The following MATN2 variants were observed in gnomAD, a reference collection of about 807,000 sequenced individuals.
MATN2 encodes matrilin 2.
Under a neutral mutation model 103.2 loss-of-function variants are expected in MATN2, and 69 were observed. The ratio of observed to expected loss-of-function variants is 0.67; its 90% CI spans 0.55 to 0.82. The LOEUF (loss-of-function observed/expected upper bound fraction) is 0.82, where lower values mean the gene tolerates loss of function less well. MATN2 is among the 40% of genes least tolerant of loss of function. MATN2 has a pLI of 0.00. For synonymous variants in MATN2, 429 were observed against 450.2 expected, an observed-to-expected ratio of 0.95 and a Z score of 0.60; for missense variants, 1,023 against 1,211.5, an observed-to-expected ratio of 0.84 and a Z score of 2.31.
Position 97,961,422 on chromosome 8 carries a change from G to C in MATN2, c.850G>C (p.Ala284Pro). 6.2e-7 allele frequency: 1 copy of C among 1,613,052 alleles called. No homozygotes were observed. The highest frequency in any genetic ancestry group is 8.5e-7 in the Non-Finnish European group (1 of 1,179,456). ...CTTTGCCTCAGTCCAGGATCTGTGTGCCATGGAGGACCACAACTGTGAGCA... is the reference window on the plus strand; with the variant it reads ...CTTTGCCTCAGTCCAGGATCTGTGTCCCATGGAGGACCACAACTGTGAGCA... ...QTTCRIQDLC[A>P]MEDHNCEQLC... is the part of the protein sequence containing the mutation. The change falls in exon 5 of 19, where the codon GCC becomes CCC. Residue 284 changes from alanine (A) to proline (P), a missense_variant. Transcript: ENST00000254898.
chr8:98,030,674 G>GT, intron 15 of MATN2, 60 bp downstream of exon 15: 12 of 1,468,508 alleles, frequency 8.2e-6, no homozygotes, highest in Non-Finnish European at 9.3e-6. Context: ...CTTTTTTTTT[G>GT]TTTTTTGAGA....
At chr8:97,944,331 C>T (rs1483881585) in intron 4 of MATN2, among the ~76,000 whole-genome samples, 4 of 152,210 alleles carry the variant, frequency 2.6e-5, no homozygotes, top group African/African-American at 7.2e-5. Flanking sequence ...CTCTGCTGTC[C>T]CGTCTGACCC....
intron 2 of MATN2, among the ~76,000 whole-genome samples, chr8:97,889,366 A>G (rs1818549265): frequency 6.6e-6 from 1 of 151,766 alleles, no homozygotes; most frequent in Admixed American, 6.6e-5. Flanking sequence ...TGCAAATGTG[A>G]AAAGGAGTGG....
At chr8:97,869,789 G>A (rs1176355676) in intron 1 of MATN2, among the ~76,000 whole-genome samples, 1 of 152,228 alleles carries the variant, frequency 6.6e-6, no homozygotes, top group African/African-American at 2.4e-5. Context: ...TATTGTGGAA[G>A]AGGGAGAGAA....
chr8:97,970,590 A>G (rs1293222047), intron 5 of MATN2, among the ~76,000 whole-genome samples: 1 of 152,232 alleles, frequency 6.6e-6, no homozygotes, highest in Non-Finnish European at 1.5e-5. Flanking sequence ...AGAAGGCTTC[A>G]GTCAGGTGCC....
At chr8:97,929,616 C>T (rs1432220500) in intron 2 of MATN2, among the ~76,000 whole-genome samples, 3 of 152,220 alleles carry the variant, frequency 2.0e-5, no homozygotes, top group Admixed American at 1.3e-4. Context: ...TGCTTAGCAG[C>T]TTAAGGCATA....
chr8:97,885,918 C>T (rs1485251885), intron 1 of MATN2, among the ~76,000 whole-genome samples: 2 of 152,216 alleles, frequency 1.3e-5, no homozygotes, highest in Non-Finnish European at 2.9e-5. Flanking sequence ...GGAACCAGGC[C>T]GCACAGCAGG....
chr8:97,972,590 A>G (rs1811697213), intron 5 of MATN2, among the ~76,000 whole-genome samples: 1 of 152,262 alleles, frequency 6.6e-6, no homozygotes, highest in Non-Finnish European at 1.5e-5. Context: ...TATTTCTGCT[A>G]ATGCCATTCC....
intron 18 of MATN2, among the ~76,000 whole-genome samples, chr8:98,034,889 C>T (rs889910045): frequency 1.4e-5 from 2 of 144,976 alleles, no homozygotes; most frequent in Admixed American, 7.0e-5. Context: ...AATTTGCAAG[C>T]ATTAAGGGTG....
At chr8:97,930,140 C>T (rs1286837579) in intron 2 of MATN2, among the ~76,000 whole-genome samples, 1 of 152,208 alleles carries the variant, frequency 6.6e-6, no homozygotes, top group Non-Finnish European at 1.5e-5. Flanking sequence ...GCTCACGTCC[C>T]ATCTCCTTGA....
intron 2 of MATN2, among the ~76,000 whole-genome samples, chr8:97,921,786 A>T (rs1347846914): frequency 1.3e-5 from 2 of 152,126 alleles, no homozygotes; most frequent in Admixed American, 1.3e-4. Flanking sequence ...CTCTCAGTCC[A>T]TCTGTCTCTC....
At chr8:97,929,008 T>C (rs1221915309) in intron 2 of MATN2, among the ~76,000 whole-genome samples, 3 of 152,216 alleles carry the variant, frequency 2.0e-5, no homozygotes, top group Admixed American at 2.0e-4. Context: ...ATAGATCTTA[T>C]CGCTGAACCC....
At chr8:97,877,451 T>C (rs1343286223) in intron 1 of MATN2, among the ~76,000 whole-genome samples, 1 of 151,616 alleles carries the variant, frequency 6.6e-6, no homozygotes, top group Non-Finnish European at 1.5e-5. Context: ...CATTCCAGCC[T>C]GAGCAACGAG....
chr8:98,007,272 G>A lies in MATN2; in HGVS notation c.1450+45G>A, dbSNP rs547320231. The A allele has an allele frequency of 2.5e-6, 4 of 1,611,330 alleles. No individual in the cohort carries two copies. The highest frequency in any genetic ancestry group is 3.4e-6 in the Non-Finnish European group (4 of 1,178,600). ...TCTCATAGGGGAAGGTTTGCACCAG[G>A]AGTGAAACCTATGTGACTGCAGAGG... On this transcript the variant is annotated intron_variant, in intron 9 of 18. Coordinates refer to ENST00000254898, the MANE Select transcript of MATN2 (RefSeq NM_002380.5). The surrounding 1 kb of genome is among the most constrained non-coding windows in gnomAD (Gnocchi z 4.2).
intron 5 of MATN2, among the ~76,000 whole-genome samples, chr8:97,971,643 C>T (rs1388938039): frequency 6.6e-6 from 1 of 152,176 alleles, no homozygotes; most frequent in African/African-American, 2.4e-5. Context: ...TTCTGCTGTA[C>T]TTACTCACCT....
chr8:97,898,601 A>G (rs531086783), intron 2 of MATN2, among the ~76,000 whole-genome samples: 1 of 151,898 alleles, frequency 6.6e-6, no homozygotes, highest in South Asian at 2.1e-4. Context: ...CCTTCTCAAA[A>G]AAAAAAAAAA....
intron 10 of MATN2, among the ~76,000 whole-genome samples, chr8:98,013,166 G>A (rs564902413): frequency 6.6e-6 from 1 of 152,342 alleles, no homozygotes; most frequent in Admixed American, 6.5e-5. Context: ...AGACTTGGTG[G>A]ATAGAAAGCT....
In MATN2 at chr8:97,941,810, G is replaced by A. The variant is rs767105770; in HGVS notation, c.746G>A (p.Cys249Tyr). The A allele has an allele frequency of 1.9e-6, 3 of 1,609,974 alleles. No individual in the cohort carries two copies. The South Asian group carries it at 3.3e-5, about 18-fold the overall frequency. Residue 249 changes from cysteine to tyrosine, a missense_variant, in exon 4 of 19, where the codon TGT becomes TAT. Cys to Tyr is a radical substitution (Grantham distance 194, BLOSUM62 -2). Coordinates refer to ENST00000254898, the MANE Select transcript of MATN2 (RefSeq NM_002380.5). ...ATGTGCAGCACCCTGGAGCATAACTGTGCCCACTTCTGCATCAACATCCCT... is the reference window on the plus strand; with the variant it reads ...ATGTGCAGCACCCTGGAGCATAACTATGCCCACTTCTGCATCAACATCCCT... The part of the protein sequence containing the change: ...AHMCSTLEHN[C>Y]AHFCINIPGS...
At chr8:97,918,225 C>A (rs897504587) in intron 2 of MATN2, among the ~76,000 whole-genome samples, 1 of 152,212 alleles carries the variant, frequency 6.6e-6, no homozygotes, top group African/African-American at 2.4e-5. Flanking sequence ...ATAATAATTT[C>A]TCTTACCCTG....
Sources: gnomAD v4.1 joint callset for allele counts (sites outside exome capture counted in the v4.1 genomes callset) on GRCh38, gnomAD v4.1.1 for gene constraint, Gnocchi (gnomAD v3.1) non-coding constraint, MANE v1.5 for transcripts, NCBI Gene and HGNC (gene_info 2026-07-23, HGNC 2026-07-21) for gene names.